The following RP1L1 variants were observed in gnomAD, a reference collection of about 807,000 sequenced individuals.
RP1L1 encodes the protein retinitis pigmentosa 1-like 1 protein.
Under a neutral mutation model 15.7 loss-of-function variants are expected in RP1L1, and 27 were observed. The ratio of observed to expected loss-of-function variants is 1.72; its 90% CI spans 1.27 to 2.38. The LOEUF is 2.38. Ranked by LOEUF, RP1L1 falls within the 30% of genes most tolerant of loss-of-function variation. The probability of loss-of-function intolerance (pLI) is 0.00; values close to 1 mark genes in which losing one functional copy is unlikely to be tolerated. For missense variants in RP1L1, 4,798 were observed against 3,075.9 expected (o/e 1.56, Z -13.24); for synonymous variants, 1,813 against 1,276.7 (o/e 1.42, Z -8.96).
In RP1L1 at chr8:10,609,614, G is replaced by C. The variant is rs4841399; in HGVS notation, c.4484C>G (p.Pro1495Arg). 0.26 allele frequency: 425,097 copies of C among 1,606,904 alleles called. 58,638 individuals are homozygous for C. Among genetic ancestry groups the C allele is most frequent in the Admixed American group, 0.43 (25,926 of 59,996 alleles). Residue 1495 changes from proline (P) to arginine (R), a missense_variant, in exon 4 of 4, where the codon CCC becomes CGC. By Grantham distance (103) the Pro-to-Arg change is moderately radical. Transcript: ENST00000382483. ...GCTCCTCTCTGCAGCCCCCTGGGTG[G>C]GTTGGGCCTGCGTGTGCTCTTGGCC... ...MMGQEHTQAQPTQGAAERSSS... is the reference protein window; with the variant it reads ...MMGQEHTQAQRTQGAAERSSS...
intron 1 of RP1L1, among the ~76,000 whole-genome samples, chr8:10,627,948 A>C (rs746779171): frequency 5.9e-5 from 9 of 152,234 alleles, no homozygotes; most frequent in Non-Finnish European, 1.2e-4. Context: ...ACTGTGTGCC[A>C]GACCTTTACT....
intron 1 of RP1L1, among the ~76,000 whole-genome samples, chr8:10,631,580 G>A (rs1798253255): frequency 6.6e-6 from 1 of 152,214 alleles, no homozygotes; most frequent in African/African-American, 2.4e-5. Context: ...GAGATGGCCG[G>A]GAAATCCCAC....
intron 1 of RP1L1, among the ~76,000 whole-genome samples, chr8:10,644,044 T>G (rs1275837369): frequency 6.6e-6 from 1 of 151,586 alleles, no homozygotes; most frequent in Non-Finnish European, 1.5e-5. Context: ...CCGGGAGTGG[T>G]TTGGGAGGTG....
In RP1L1 at chr8:10,611,328, C is replaced by T. The variant is rs752935664; in HGVS notation, c.2770G>A (p.Glu924Lys). ...SQGAGSRGLSEEKTLRSGGGP... is the reference protein window; with the variant it reads ...SQGAGSRGLSKEKTLRSGGGP... ...CCCCCACTCCTCAAGGTCTTCTCCTCGGACAGCCCCCGAGACCCCGCACCC... is the reference window on the plus strand; with the variant it reads ...CCCCCACTCCTCAAGGTCTTCTCCTTGGACAGCCCCCGAGACCCCGCACCC... The change falls in exon 4 of 4, where the codon GAG becomes AAG. Residue 924 changes from glutamate to lysine, a missense_variant. By Grantham distance (56) the Glu-to-Lys change is moderately conservative (BLOSUM62 1). Coordinates refer to ENST00000382483, the MANE Select transcript of RP1L1 (RefSeq NM_178857.6). 11 of 1,612,652 alleles carry T rather than the reference C, an allele frequency of 6.8e-6. No homozygotes were observed. The highest frequency in any genetic ancestry group is 6.7e-5 in the Admixed American group (4 of 60,024).
rs1467160722 is a variant in RP1L1, at chr8:10,611,129, G to A, written c.2969C>T (p.Pro990Leu). ...TGAAGGGLRGPEVDPGDDHSL... is the reference protein window; with the variant it reads ...TGAAGGGLRGLEVDPGDDHSL... ...ATGGTCATCCCCAGGGTCCACCTCGGGGCCTCTCAGGCCACCCCCAGCTGC... is the reference window on the plus strand; with the variant it reads ...ATGGTCATCCCCAGGGTCCACCTCGAGGCCTCTCAGGCCACCCCCAGCTGC... Residue 990 changes from proline (P) to leucine (L), a missense_variant, in exon 4 of 4, where the codon CCC (proline) becomes CTC (leucine). Transcript: ENST00000382483. 6.2e-7 allele frequency: 1 copy of A among 1,612,894 alleles called. No individual in the cohort carries two copies. The highest frequency in any genetic ancestry group is 1.1e-5 in the South Asian group (1 of 91,088).
rs1435960191 is a variant in RP1L1 at position 10,607,193 on chromosome 8, C to T, written c.6905G>A (p.Arg2302Lys). 2 of 1,614,106 alleles carry T rather than the reference C, an allele frequency of 1.2e-6. No individual in the cohort carries two copies. Among genetic ancestry groups the T allele is most frequent in the African/African-American group, 1.3e-5 (1 of 74,932 alleles). ...PGSQTGPSSSRASSWGNCWQK... is the reference protein window; with the variant it reads ...PGSQTGPSSSKASSWGNCWQK... ...CCAGCAGTTGCCCCAAGAGGATGCT[C>T]TGGAGGAGGAAGGGCCTGTTTGGGA... Residue 2302 changes from arginine to lysine, a missense_variant, in exon 4 of 4, where the codon AGA (arginine) becomes AAA (lysine). Coordinates refer to ENST00000382483, the MANE Select transcript of RP1L1 (RefSeq NM_178857.6).
Position 10,623,095 on chromosome 8 carries a change from A to ATCT in RP1L1, c.104_106dup (p.Lys35dup). The ATCT allele has an allele frequency of 6.2e-7, 1 of 1,613,756 alleles. No individual in the cohort carries two copies. Among genetic ancestry groups the ATCT allele is most frequent in the Non-Finnish European group, 8.5e-7 (1 of 1,179,922 alleles). ...TGGATCCCCTCGCTTGAGGAAGGTG[A>ATCT]TCTTCTTGGCTGGCGTGACCTTGGT... is the stretch of plus-strand genomic sequence containing the variant. On this transcript the variant is annotated inframe_insertion, in exon 2 of 4. Transcript: ENST00000382483.
Position 10,608,344 on chromosome 8 carries a change from C to T in RP1L1, c.5754G>A (p.Glu1918=), listed in dbSNP as rs757442556. ...APEAEKEAQP[E]TESVEALETE... ...TCTCCAGGGCCTCTACACTTTCTGT[C>T]TCTGGCTGGGCCTCCTTTTCTGCCT... The change falls in exon 4 of 4, where the codon GAG becomes GAA. Residue 1918 remains glutamate, a synonymous_variant. Transcript: ENST00000382483. 1.2e-6 allele frequency: 2 copies of T among 1,612,480 alleles called. No individual in the cohort carries two copies. Among genetic ancestry groups the T allele is most frequent in the South Asian group, 2.2e-5 (2 of 90,996 alleles).
rs545934060 is a variant in RP1L1, at chr8:10,617,757, C to T, written c.610-1170G>A. ...ATTTTTAGTAGAGACAGGGTTTCAC[C>T]GTGTTAGCCAGGATGGTCTCGATCT... On this transcript the variant is annotated intron_variant, in intron 2 of 3. Transcript: ENST00000382483. Among the ~76,000 whole-genome samples the T allele has an allele frequency of 1.6e-4, 25 of 151,992 alleles. No individual in the cohort carries two copies. In the East Asian group the frequency reaches 1.7e-3, roughly 11 times the overall value.
chr8:10,612,538 G>T lies in RP1L1; in HGVS notation c.1560C>A (p.Arg520=), dbSNP rs368844644. Residue 520 remains arginine (R), a synonymous_variant, in exon 4 of 4, where the codon CGC becomes CGA. Transcript: ENST00000382483. ...AGLGGPEQGG[R]LTPRARSEEG... ...CCTCACTCCGGGCCCTCGGTGTCAGGCGGCCGCCTTGCTCTGGGCCGCCCA... is the reference window on the plus strand; with the variant it reads ...CCTCACTCCGGGCCCTCGGTGTCAGTCGGCCGCCTTGCTCTGGGCCGCCCA... 4.3e-6 allele frequency: 7 copies of T among 1,610,150 alleles called. No individual in the cohort carries two copies. In the East Asian group the frequency reaches 1.6e-4, roughly 36 times the overall value.
In RP1L1 at chr8:10,612,168, G is replaced by A. The variant is rs747175878; in HGVS notation, c.1930C>T (p.Arg644Trp). 44 of 1,613,420 alleles carry A rather than the reference G, an allele frequency of 2.7e-5. No homozygotes were observed. The highest frequency in any genetic ancestry group is 3.5e-5 in the Non-Finnish European group (41 of 1,180,022). ...CTGGGTGAGGACATTGCACTGGCCC[G>A]GCTTCTGTGCCTTCTCTGCCCCTGC... ...SQQGQRRHRS[R>W]ASAMSSPSSP... is the part of the protein sequence containing the mutation. Residue 644 changes from arginine (R) to tryptophan (W), a missense_variant, in exon 4 of 4, where the codon CGG becomes TGG. Coordinates refer to ENST00000382483, the MANE Select transcript of RP1L1 (RefSeq NM_178857.6).
In RP1L1 at chr8:10,611,754, C is replaced by T. The variant is rs756338534; in HGVS notation, c.2344G>A (p.Asp782Asn). 1.2e-6 allele frequency: 2 copies of T among 1,613,476 alleles called. No individual in the cohort carries two copies. Among genetic ancestry groups the T allele is most frequent in the Non-Finnish European group, 8.5e-7 (1 of 1,179,980 alleles). ...GCAGCCCCAGATTTTGAGCAGGAGT[C>T]GGATGTGTGGGGAGGTATGGGGGCC... The part of the protein sequence containing the change: ...SPAPIPPHTS[D>N]SCSKSGAASL... The change falls in exon 4 of 4, where the codon GAC becomes AAC. Residue 782 changes from aspartate to asparagine, a missense_variant. Coordinates refer to ENST00000382483, the MANE Select transcript of RP1L1 (RefSeq NM_178857.6).
rs753104328 is a variant in RP1L1, at chr8:10,613,234, A to G, written c.864T>C (p.Ala288=). The G allele has an allele frequency of 5.6e-6, 9 of 1,612,866 alleles. No homozygotes were observed. The highest frequency in any genetic ancestry group is 1.3e-5 in the African/African-American group (1 of 74,930). ...GCGTGTCCTGAGGGTGCCTGCCAGG[A>G]GCAGGGCCCACCGGGGGGTTGCTAG... The part of the protein sequence containing the change: ...PGPSNPPVGP[A]PGRHPQDTPA... The change falls in exon 4 of 4, where the codon GCT becomes GCC. Residue 288 remains alanine, a synonymous_variant. Transcript: ENST00000382483.
intron 2 of RP1L1, among the ~76,000 whole-genome samples, chr8:10,617,880 G>T (rs574602714): frequency 1.3e-5 from 2 of 152,236 alleles, no homozygotes; most frequent in African/African-American, 2.4e-5. Context: ...AAATGACGAG[G>T]TCCATTTCTT....
In RP1L1 at chr8:10,640,123, A is replaced by T. The variant is rs116977652; in HGVS notation, c.-20+14775T>A. On this transcript the variant is annotated intron_variant, in intron 1 of 3. Transcript: ENST00000382483. ...AGAAAATATGAAAACAGGCTGGAGGACTTAAGGGTGAGATTGATAATGGCC... is the reference window on the plus strand; with the variant it reads ...AGAAAATATGAAAACAGGCTGGAGGTCTTAAGGGTGAGATTGATAATGGCC... Among the ~76,000 whole-genome samples the T allele has an allele frequency of 4.0e-4, 61 of 152,288 alleles. 2 individuals are homozygous for T. In the East Asian group the frequency reaches 0.012, roughly 29 times the overall value.
chr8:10,626,306 A>AG (rs1005933340), intron 1 of RP1L1, among the ~76,000 whole-genome samples: 3 of 152,168 alleles, frequency 2.0e-5, no homozygotes, highest in African/African-American at 7.2e-5. Context: ...TAGGCCCCAG[A>AG]GGGCTGAGCA....
At chr8:10,614,113 T>G (rs989673909) in intron 3 of RP1L1, among the ~76,000 whole-genome samples, 3 of 152,222 alleles carry the variant, frequency 2.0e-5, no homozygotes, top group South Asian at 2.1e-4. Context: ...ATCTTGCTCC[T>G]GGCCCTCCTC....
intron 3 of RP1L1, among the ~76,000 whole-genome samples, chr8:10,614,980 G>A (rs1463498607): frequency 6.6e-6 from 1 of 151,780 alleles, no homozygotes; most frequent in Admixed American, 6.6e-5. Context: ...TGGCAAAAGG[G>A]TAGGGCTAGC....
In RP1L1 at chr8:10,609,005, C is replaced by T. The variant is rs772757925; in HGVS notation, c.5093G>A (p.Gly1698Glu). ...DLQQILQRKR[G>E]EHTDGEAAEV... ...TGCTGCCTCCCCATCAGTGTGTTCT[C>T]CCCTCTTCCTCTGCAGAATCTGCTG... Residue 1698 changes from glycine to glutamate, a missense_variant, in exon 4 of 4, where the codon GGA (glycine) becomes GAA (glutamate). Coordinates refer to ENST00000382483, the MANE Select transcript of RP1L1 (RefSeq NM_178857.6). 1 of 1,613,450 alleles carries T rather than the reference C, an allele frequency of 6.2e-7. No homozygotes were observed. The highest frequency in any genetic ancestry group is 8.5e-7 in the Non-Finnish European group (1 of 1,179,436).
Sources: allele counts gnomAD v4.1 joint callset (sites outside exome capture counted in the v4.1 genomes callset), GRCh38; gene constraint gnomAD v4.1.1; transcripts MANE v1.5; gene names NCBI Gene and HGNC (gene_info 2026-07-23, HGNC 2026-07-21).